Variants in OR1J2 observed in about 807,000 individuals in gnomAD.
OR1J2 encodes the protein olfactory receptor family 1 subfamily J member 2, also known as olfactory receptor 1J2.
For missense variants in OR1J2, 304 were observed against 246.1 expected, an observed-to-expected ratio of 1.24 and a Z score of -1.57; for synonymous variants, 142 against 99.7, an observed-to-expected ratio of 1.42 and a Z score of -2.52.
At chr9:122,552,659 G>A in the OR1J2 span, among the ~76,000 whole-genome samples, 1 of 151,854 alleles carries the variant, frequency 6.6e-6, no homozygotes, top group Non-Finnish European at 1.5e-5. Flanking sequence ...GGTTTGAATG[G>A]GTGAGGTCAA....
chr9:122,458,094 T>A, the OR1J2 span, among the ~76,000 whole-genome samples: 1 of 152,292 alleles, frequency 6.6e-6, no homozygotes, highest in Admixed American at 6.5e-5. Context: ...TTCTTTAATA[T>A]TTGTTTTAGG....
the OR1J2 span, among the ~76,000 whole-genome samples, chr9:122,447,699 C>A: frequency 6.6e-6 from 1 of 151,954 alleles, no homozygotes; most frequent in African/African-American, 2.4e-5. Context: ...GGTTTCTTTC[C>A]TCCGCTCCTC....
the OR1J2 span, among the ~76,000 whole-genome samples, chr9:122,523,132 G>A: frequency 6.6e-6 from 1 of 152,172 alleles, no homozygotes; most frequent in African/African-American, 2.4e-5. Context: ...TTCTTCAGTT[G>A]GGGGTTGAAG....
chr9:122,447,896 G>A, the OR1J2 span, among the ~76,000 whole-genome samples: 3 of 152,154 alleles, frequency 2.0e-5, no homozygotes, highest in Admixed American at 6.5e-5. Flanking sequence ...CAGCACTTTG[G>A]AAGACCAAGG....
chr9:122,562,862 T>C, the OR1J2 span, among the ~76,000 whole-genome samples: 2 of 152,202 alleles, frequency 1.3e-5, no homozygotes, highest in African/African-American at 2.4e-5. Flanking sequence ...TTATTCGTTT[T>C]ATGGCTGCAT....
At chr9:122,526,873 G>T in the OR1J2 span, 1 of 1,614,180 alleles carries the variant, frequency 6.2e-7, no homozygotes, top group East Asian at 2.2e-5. Flanking sequence ...GCAAGCATTA[G>T]GGCACAGACT....
chr9:122,524,334 G>A, the OR1J2 span, among the ~76,000 whole-genome samples: 3 of 152,180 alleles, frequency 2.0e-5, no homozygotes, highest in African/African-American at 7.2e-5. Context: ...AAATTGCCCA[G>A]TGAAACATTT....
the OR1J2 span, among the ~76,000 whole-genome samples, chr9:122,559,827 T>C: frequency 2.6e-5 from 4 of 151,980 alleles, no homozygotes; most frequent in Middle Eastern, 3.2e-3. Context: ...TTCTGAGTTC[T>C]GTCGACGTTT....
chr9:122,534,831 C>G, the OR1J2 span, among the ~76,000 whole-genome samples: 1 of 152,058 alleles, frequency 6.6e-6, no homozygotes, highest in Non-Finnish European at 1.5e-5. Flanking sequence ...AATGCCTGGA[C>G]GTCAGGCACC....
chr9:122,555,508 T>C, the OR1J2 span, among the ~76,000 whole-genome samples: 1 of 152,190 alleles, frequency 6.6e-6, no homozygotes, highest in Non-Finnish European at 1.5e-5. Flanking sequence ...TTGTGAATAA[T>C]ATCTCTCCTC....
the OR1J2 span, among the ~76,000 whole-genome samples, chr9:122,451,217 C>T: frequency 6.7e-6 from 1 of 148,314 alleles, no homozygotes; most frequent in African/African-American, 2.5e-5. Context: ...TGGAGTTTCG[C>T]TCTTGTTACC....
At chr9:122,481,229 A>G in the OR1J2 span, among the ~76,000 whole-genome samples, 1 of 152,212 alleles carries the variant, frequency 6.6e-6, no homozygotes, top group Non-Finnish European at 1.5e-5. Context: ...TGCTAAGCAT[A>G]ATGGACTTTG....
At chr9:122,486,437 A>G in the OR1J2 span, among the ~76,000 whole-genome samples, 8 of 152,212 alleles carry the variant, frequency 5.3e-5, no homozygotes, top group African/African-American at 1.2e-4. Flanking sequence ...ATATCTTCAA[A>G]TAGGACAATA....
the OR1J2 span, among the ~76,000 whole-genome samples, chr9:122,535,344 C>T: frequency 1.3e-5 from 2 of 152,128 alleles, no homozygotes; most frequent in African/African-American, 4.8e-5. Flanking sequence ...TCTGACACCT[C>T]TGAAACCTGG....
upstream of OR1J2, chr9:122,510,730 TG>T (rs781408531): frequency 2.1e-5 from 19 of 889,728 alleles, no homozygotes; most frequent in Non-Finnish European, 2.8e-5. Context: ...TTAATATGAC[TG>T]CTAAAAATGA....
the OR1J2 span, among the ~76,000 whole-genome samples, chr9:122,488,206 C>G: frequency 6.6e-6 from 1 of 152,142 alleles, no homozygotes; most frequent in Admixed American, 6.5e-5. Flanking sequence ...GGCATGATCT[C>G]AGCTCACTGC....
the OR1J2 span, among the ~76,000 whole-genome samples, chr9:122,517,378 CTG>C: frequency 6.6e-6 from 1 of 152,302 alleles, no homozygotes; most frequent in East Asian, 1.9e-4. Context: ...ATTCGGAACT[CTG>C]TTATGTTGGC....
chr9:122,483,583 A>C, the OR1J2 span, among the ~76,000 whole-genome samples: 1 of 152,242 alleles, frequency 6.6e-6, no homozygotes, highest in Non-Finnish European at 1.5e-5. Flanking sequence ...AAACAAGTAT[A>C]AAAAGTATTT....
chr9:122,523,577 T>C, the OR1J2 span, among the ~76,000 whole-genome samples: 30 of 152,090 alleles, frequency 2.0e-4, no homozygotes, highest in African/African-American at 7.0e-4. Flanking sequence ...ATGAAGACAA[T>C]GGCATATAGA....
Sources: allele counts gnomAD v4.1 joint callset (sites outside exome capture counted in the v4.1 genomes callset), GRCh38; gene constraint gnomAD v4.1.1; transcripts MANE v1.5; gene names NCBI Gene and HGNC (gene_info 2026-07-23, HGNC 2026-07-21).